NRXN3: variants seen among roughly 807,000 people sequenced by gnomAD.
NRXN3 encodes neurexin 3.
A neutral mutation model predicts 137.6 loss-of-function variants in NRXN3; 32 were observed. The observed-to-expected ratio is 0.23, with a 90% CI of 0.18 to 0.31. The LOEUF (loss-of-function observed/expected upper bound fraction) is 0.31. Ranked by LOEUF, NRXN3 falls within the 10% of genes least tolerant of loss-of-function variation. NRXN3 has a pLI of 1.00. For missense variants in NRXN3, 1,574 were observed against 2,062.5 expected (o/e 0.76, Z 4.59); for synonymous variants, 798 against 784.5 (o/e 1.02, Z -0.29).
At chr14:78,425,987 C>A (rs918545127) in intron 4 of NRXN3, among the ~76,000 whole-genome samples, 5 of 152,174 alleles carry the variant, frequency 3.3e-5, no homozygotes, top group Non-Finnish European at 7.3e-5. Flanking sequence ...ACTTCCTGTG[C>A]AGTTCCAGGA....
chr14:79,051,808 A>G (rs1294510661), intron 15 of NRXN3, among the ~76,000 whole-genome samples: 3 of 152,180 alleles, frequency 2.0e-5, no homozygotes, highest in Non-Finnish European at 4.4e-5. Context: ...GGAAGAGGGG[A>G]AGCAAATACA....
chr14:78,252,788 G>C (rs1036270485), intron 2 of NRXN3, among the ~76,000 whole-genome samples: 1 of 152,226 alleles, frequency 6.6e-6, no homozygotes, highest in African/African-American at 2.4e-5. Context: ...AAAAAGTACA[G>C]TGAGAGTGTG....
chr14:79,453,619 G>T (rs2096212032), intron 15 of NRXN3, among the ~76,000 whole-genome samples: 1 of 152,150 alleles, frequency 6.6e-6, no homozygotes, highest in East Asian at 1.9e-4. Context: ...TCTTGCTTGG[G>T]ACTTAAAATC....
intron 4 of NRXN3, among the ~76,000 whole-genome samples, chr14:78,353,490 C>T (rs957992705): frequency 6.6e-5 from 10 of 152,162 alleles, no homozygotes; most frequent in East Asian, 3.9e-4. Flanking sequence ...TTTATAAGGG[C>T]GTAGTCCCAT....
intron 4 of NRXN3, among the ~76,000 whole-genome samples, chr14:78,477,252 G>C (rs2095395735): frequency 1.3e-5 from 2 of 152,092 alleles, no homozygotes; most frequent in Non-Finnish European, 2.9e-5. Context: ...TAATATACCA[G>C]AGCCTTTCTG....
intron 1 of NRXN3, among the ~76,000 whole-genome samples, chr14:78,186,878 T>C (rs2060274980): frequency 6.6e-6 from 1 of 152,136 alleles, no homozygotes; most frequent in African/African-American, 2.4e-5. Flanking sequence ...AGAAAGGGGA[T>C]GCTGGCAAAA....
At chr14:78,239,852 C>T (rs902897718) in intron 1 of NRXN3, among the ~76,000 whole-genome samples, 2 of 152,086 alleles carry the variant, frequency 1.3e-5, no homozygotes, top group Non-Finnish European at 2.9e-5. Flanking sequence ...GGATCACAGT[C>T]GCCTGCCACT....
chr14:78,752,546 G>A (rs1316573900), intron 8 of NRXN3, among the ~76,000 whole-genome samples: 5 of 152,240 alleles, frequency 3.3e-5, no homozygotes, highest in Non-Finnish European at 5.9e-5. Flanking sequence ...AGGGAAGGAA[G>A]ATTCTGAAAT....
At chr14:79,715,289 C>T (rs185002548) in intron 19 of NRXN3, among the ~76,000 whole-genome samples, 19 of 152,284 alleles carry the variant, frequency 1.2e-4, no homozygotes, top group African/African-American at 3.8e-4. Flanking sequence ...GTCCACTAAA[C>T]GAGGTTGAGG....
At chr14:78,331,503 C>T (rs892355485) in intron 4 of NRXN3, among the ~76,000 whole-genome samples, 2 of 152,114 alleles carry the variant, frequency 1.3e-5, no homozygotes, top group East Asian at 1.9e-4. Context: ...AGAACGTGGC[C>T]GCATGAGGTA....
intron 1 of NRXN3, among the ~76,000 whole-genome samples, chr14:78,214,239 A>G (rs1367188198): frequency 3.3e-5 from 5 of 152,098 alleles, no homozygotes; most frequent in African/African-American, 1.2e-4. Context: ...TTCCTACCAC[A>G]GGGCCTTTGT....
chr14:79,178,351 T>A (rs2062571992), intron 15 of NRXN3, among the ~76,000 whole-genome samples: 1 of 152,242 alleles, frequency 6.6e-6, no homozygotes, highest in Non-Finnish European at 1.5e-5. Context: ...CTGTCTTTTT[T>A]TTAATTGTCT....
intron 19 of NRXN3, among the ~76,000 whole-genome samples, chr14:79,724,751 C>T (rs2098871697): frequency 6.6e-6 from 1 of 152,060 alleles, no homozygotes; most frequent in African/African-American, 2.4e-5. Flanking sequence ...GTATATGGTA[C>T]TTTAACAAAG....
chr14:79,606,271 A>C (rs908760316), intron 16 of NRXN3, among the ~76,000 whole-genome samples: 1 of 152,210 alleles, frequency 6.6e-6, no homozygotes, highest in Non-Finnish European at 1.5e-5. Context: ...AAACCAACCA[A>C]ATAAATAAAT....
At chr14:78,835,626 G>T (rs371712050) in intron 10 of NRXN3, among the ~76,000 whole-genome samples, 85 of 152,190 alleles carry the variant, frequency 5.6e-4, no homozygotes, top group African/African-American at 2.0e-3. Flanking sequence ...TGTTGCTATT[G>T]CTCTAGTTTA....
chr14:79,647,081 A>G (rs947700170), intron 16 of NRXN3, among the ~76,000 whole-genome samples: 2 of 135,572 alleles, frequency 1.5e-5, no homozygotes, highest in East Asian at 3.9e-4. Context: ...CCTTTCATCT[A>G]TGTCTATTTC....
chr14:78,698,494 G>A (rs1166313739), intron 6 of NRXN3, among the ~76,000 whole-genome samples: 1 of 151,966 alleles, frequency 6.6e-6, no homozygotes, highest in African/African-American at 2.4e-5. Context: ...ACTCTAGGTA[G>A]AGAGGATGAA....
intron 8 of NRXN3, among the ~76,000 whole-genome samples, chr14:78,756,940 G>A (rs2098671261): frequency 6.6e-6 from 1 of 152,126 alleles, no homozygotes; most frequent in Non-Finnish European, 1.5e-5. Flanking sequence ...TGTTTAACAG[G>A]CTGTTTTCTC....
At chr14:78,760,285 G>A (rs1229141799) in intron 8 of NRXN3, among the ~76,000 whole-genome samples, 8 of 150,552 alleles carry the variant, frequency 5.3e-5, no homozygotes, top group South Asian at 2.1e-4. Context: ...CAGGTGATCC[G>A]CCCGCCTCGG....
Sources: gnomAD v4.1 joint callset for allele counts (sites outside exome capture counted in the v4.1 genomes callset) on GRCh38, gnomAD v4.1.1 for gene constraint, MANE v1.5 for transcripts, NCBI Gene and HGNC (gene_info 2026-07-23, HGNC 2026-07-21) for gene names.